Variants in SUGCT observed in about 807,000 individuals in gnomAD.
The protein encoded by SUGCT is succinyl-CoA:glutarate CoA-transferase.
In SUGCT, 41 loss-of-function variants were observed where a neutral mutation model predicts 55.0. That is an observed-to-expected ratio of 0.74 (90% CI 0.58 to 0.97). SUGCT has a LOEUF of 0.97. Ranked by LOEUF, SUGCT falls within the 50% of genes least tolerant of loss-of-function variation. The probability of loss-of-function intolerance (pLI) is 0.00; values close to 1 mark genes in which losing one functional copy is unlikely to be tolerated. For synonymous variants in SUGCT, 187 were observed against 200.4 expected, an observed-to-expected ratio of 0.93 and a Z score of 0.56; for missense variants, 568 against 547.8, an observed-to-expected ratio of 1.04 and a Z score of -0.37.
chr7:40,713,670 C>CA (rs1785851000), intron 12 of SUGCT, among the ~76,000 whole-genome samples: 1 of 152,210 alleles, frequency 6.6e-6, no homozygotes, highest in Non-Finnish European at 1.5e-5. Context: ...GTAATTCCAT[C>CA]TTCATATTCT....
chr7:40,453,404 T>A (rs1273627857), intron 10 of SUGCT, among the ~76,000 whole-genome samples: 1 of 152,218 alleles, frequency 6.6e-6, no homozygotes, highest in Non-Finnish European at 1.5e-5. Flanking sequence ...AGAGAGAAGA[T>A]CTTGACAAAG....
At chr7:40,903,558 G>GAAAGGC in the SUGCT span, among the ~76,000 whole-genome samples, 1 of 152,140 alleles carries the variant, frequency 6.6e-6, no homozygotes, top group East Asian at 1.9e-4. Context: ...TTCTGGCTCT[G>GAAAGGC]AAAGGCCTGC....
chr7:40,420,669 G>A (rs1035402350), intron 9 of SUGCT, among the ~76,000 whole-genome samples: 1 of 152,016 alleles, frequency 6.6e-6, no homozygotes, highest in African/African-American at 2.4e-5. Context: ...GGAAGACTAA[G>A]TGCTGTGGCA....
intron 6 of SUGCT, among the ~76,000 whole-genome samples, chr7:40,228,093 T>G (rs1167752866): frequency 6.6e-6 from 1 of 151,886 alleles, no homozygotes; most frequent in Non-Finnish European, 1.5e-5. Context: ...TGTTGGTCAG[T>G]CTGTTTTGGA....
intron 9 of SUGCT, among the ~76,000 whole-genome samples, chr7:40,446,259 A>T (rs1004845831): frequency 1.3e-5 from 2 of 152,176 alleles, no homozygotes; most frequent in Non-Finnish European, 2.9e-5. Flanking sequence ...CATATCACTG[A>T]TCCAAAATTT....
At chr7:40,357,695 AT>A (rs1797942351) in intron 9 of SUGCT, among the ~76,000 whole-genome samples, 1 of 149,332 alleles carries the variant, frequency 6.7e-6, no homozygotes, top group Non-Finnish European at 1.5e-5. Context: ...ATCATGAGAT[AT>A]TTTTCTTTTG....
chr7:40,780,632 C>G (rs917391784), intron 13 of SUGCT, among the ~76,000 whole-genome samples: 1 of 152,076 alleles, frequency 6.6e-6, no homozygotes, highest in Non-Finnish European at 1.5e-5. Context: ...ACCCTCATTA[C>G]TGATTGTGTA....
intron 12 of SUGCT, among the ~76,000 whole-genome samples, chr7:40,586,603 T>G (rs895798379): frequency 1.3e-5 from 2 of 151,394 alleles, no homozygotes; most frequent in Admixed American, 1.3e-4. Flanking sequence ...AAATTTGGGA[T>G]TAGTTTCAAG....
chr7:40,278,911 C>T (rs1394227990), intron 8 of SUGCT, among the ~76,000 whole-genome samples: 3 of 151,578 alleles, frequency 2.0e-5, no homozygotes, highest in East Asian at 1.9e-4. Flanking sequence ...ACTGAAACCT[C>T]GAACTCCTGG....
the SUGCT span, among the ~76,000 whole-genome samples, chr7:40,982,778 G>C: frequency 3.3e-5 from 5 of 152,092 alleles, no homozygotes; most frequent in African/African-American, 1.2e-4. Flanking sequence ...CTCCTGAGTA[G>C]CTGGGACTAC....
chr7:40,252,785 C>T (rs1340787495), intron 7 of SUGCT, among the ~76,000 whole-genome samples: 1 of 151,948 alleles, frequency 6.6e-6, no homozygotes, highest in Non-Finnish European at 1.5e-5. Context: ...CTAGCTGGGA[C>T]TATACGCACA....
intron 9 of SUGCT, among the ~76,000 whole-genome samples, chr7:40,446,590 G>A (rs1468212393): frequency 1.3e-5 from 2 of 152,140 alleles, no homozygotes; most frequent in African/African-American, 4.8e-5. Context: ...ACCAAATCAA[G>A]CAACAATGTA....
intron 12 of SUGCT, among the ~76,000 whole-genome samples, chr7:40,644,979 C>G (rs1299197670): frequency 6.6e-6 from 1 of 152,158 alleles, no homozygotes; most frequent in Non-Finnish European, 1.5e-5. Context: ...CAGCATGATA[C>G]ATTTCAACAT....
At chr7:40,860,254 A>T in intron 13 of SUGCT, 62 bp from the exon 14 acceptor site, 1 of 1,601,876 alleles carries the variant, frequency 6.2e-7, no homozygotes, top group Non-Finnish European at 8.5e-7. Flanking sequence ...CAGGCTGCTT[A>T]GGTAATTAAT....
intron 12 of SUGCT, among the ~76,000 whole-genome samples, chr7:40,654,860 T>A: frequency 6.6e-6 from 1 of 152,148 alleles, no homozygotes; most frequent in Middle Eastern, 3.2e-3. Flanking sequence ...CAGATTTACG[T>A]CTGCACACAG....
intron 5 of SUGCT, among the ~76,000 whole-genome samples, chr7:40,194,224 T>A (rs1403138984): frequency 4.6e-5 from 7 of 152,324 alleles, no homozygotes; most frequent in Middle Eastern, 3.4e-3. Flanking sequence ...TAATGAGGAA[T>A]ATTACATAAT....
At position 40,360,083 on chromosome 7, in the gene SUGCT, G is replaced by A. The variant is rs529002959; in HGVS notation, c.816+43228G>A. 1.3e-3 allele frequency among the ~76,000 whole-genome samples: 199 copies of A among 152,154 alleles called. 1 individual carries two copies. Among genetic ancestry groups the A allele is most frequent in the African/African-American group, 4.1e-3 (169 of 41,516 alleles). ...GGCTGGAGTGCAGTGGCACGATCTC[G>A]GCTCACTGCAACCTCCGCCTGCCAG... On this transcript the variant is annotated intron_variant, in intron 9 of 13. Coordinates refer to ENST00000335693, the MANE Select transcript of SUGCT (RefSeq NM_001193313.2).
intron 12 of SUGCT, among the ~76,000 whole-genome samples, chr7:40,567,936 G>A (rs1024950027): frequency 2.6e-5 from 4 of 152,318 alleles, no homozygotes; most frequent in Middle Eastern, 6.8e-3. Context: ...AAGAAAGACT[G>A]TAACTTATGT....
At chr7:40,936,180 A>G in the SUGCT span, among the ~76,000 whole-genome samples, 2 of 152,012 alleles carry the variant, frequency 1.3e-5, no homozygotes, top group Non-Finnish European at 1.5e-5. Context: ...AATGTTCAGT[A>G]TAATTCACCA....
Sources: gnomAD v4.1 joint callset for allele counts (sites outside exome capture counted in the v4.1 genomes callset) on GRCh38, gnomAD v4.1.1 for gene constraint, MANE v1.5 for transcripts, NCBI Gene and HGNC (gene_info 2026-07-23, HGNC 2026-07-21) for gene names.